The following KAZN variants were observed in gnomAD, a reference collection of about 807,000 sequenced individuals.
KAZN encodes kazrin, periplakin interacting protein.
A neutral mutation model predicts 87.4 loss-of-function variants in KAZN; 40 were observed. That is an observed-to-expected ratio of 0.46 (90% CI 0.36 to 0.60). The LOEUF is 0.60. Among genes scored for constraint, KAZN ranks in the 20% least tolerant of loss-of-function variants. KAZN has a pLI of 0.00. For missense variants in KAZN, 898 were observed against 1,073.9 expected (o/e 0.84, Z 2.29); for synonymous variants, 466 against 458.3 (o/e 1.02, Z -0.22).
chr1:14,979,605 G>A (rs1474102369), intron 2 of KAZN, among the ~76,000 whole-genome samples: 1 of 151,998 alleles, frequency 6.6e-6, no homozygotes, highest in African/African-American at 2.4e-5. Context: ...CCATCCTTGG[G>A]GGCAAAGGCT....
In KAZN at chr1:15,094,792, A is replaced by G. The variant is rs1353556766; in HGVS notation, c.1429-23A>G. The G allele has an allele frequency of 2.6e-6, 4 of 1,529,628 alleles. No individual in the cohort carries two copies. Among genetic ancestry groups the G allele is most frequent in the East Asian group, 4.9e-5 (2 of 40,608 alleles). The allele number at this position is 1,529,628 out of a possible 1,614,324, so 94.8% of individuals were successfully genotyped here. On this transcript the variant is annotated intron_variant, in intron 9 of 14. Coordinates refer to ENST00000376030, the MANE Select transcript of KAZN (RefSeq NM_201628.3). This position sits in a 1 kb window ranked among gnomAD's most constrained non-coding sequence, Gnocchi z 4.5. ...CGCCGGCAGCTGTCCCAGCCCCCAT[A>G]TGACACTCCCTCCCGGGGGCAGGTG...
At chr1:14,485,748 C>G (rs1291819158) in intron 2 of KAZN, among the ~76,000 whole-genome samples, 1 of 151,948 alleles carries the variant, frequency 6.6e-6, no homozygotes, top group Admixed American at 6.6e-5. Context: ...CAAAAATTAG[C>G]CGGGCATGCT....
At chr1:15,075,290 A>T (rs973385901) in intron 8 of KAZN, among the ~76,000 whole-genome samples, 4 of 152,178 alleles carry the variant, frequency 2.6e-5, no homozygotes, top group South Asian at 2.1e-4. Context: ...GGGGGAAAAA[A>T]ATCCCTGGGT....
intron 1 of KAZN, among the ~76,000 whole-genome samples, chr1:14,024,794 A>G (rs1298364163): frequency 1.3e-5 from 2 of 152,216 alleles, no homozygotes; most frequent in African/African-American, 2.4e-5. Context: ...TGGCTTGCAT[A>G]TTAGAATAAA....
intron 2 of KAZN, among the ~76,000 whole-genome samples, chr1:14,419,596 A>G (rs945896489): frequency 2.6e-5 from 4 of 152,082 alleles, no homozygotes; most frequent in African/African-American, 9.7e-5. Flanking sequence ...TCGCGATTTG[A>G]GTGTTACAGT....
rs144975140 is a variant in KAZN at position 14,380,332 on chromosome 1, A to G, written c.249+199740A>G. 5.6e-3 allele frequency among the ~76,000 whole-genome samples: 855 copies of G among 152,358 alleles called. 10 individuals carry two copies. The highest frequency in any genetic ancestry group is 0.02 in the African/African-American group (811 of 41,584). On this transcript the variant is annotated intron_variant, in intron 2 of 16. Coordinates refer to the KAZN transcript ENST00000636203. ...CAGACAAAAACAAACATAAGCATCC[A>G]GACCATCCAAGAAAACATGAACTCA... is the stretch of plus-strand genomic sequence containing the variant.
chr1:14,422,034 G>T (rs1288220547), intron 2 of KAZN, among the ~76,000 whole-genome samples: 2 of 152,216 alleles, frequency 1.3e-5, no homozygotes, highest in African/African-American at 4.8e-5. Context: ...CTGAGATTTG[G>T]AAAGTCTGTC....
chr1:14,107,142 G>A (rs1007450445), intron 1 of KAZN, among the ~76,000 whole-genome samples: 1 of 139,606 alleles, frequency 7.2e-6, no homozygotes, highest in Admixed American at 7.3e-5. Flanking sequence ...TTGCTGTGTT[G>A]TCTTGTCATC....
chr1:14,707,778 G>A (rs541829490), intron 1 of KAZN, among the ~76,000 whole-genome samples: 1 of 152,098 alleles, frequency 6.6e-6, no homozygotes, highest in Non-Finnish European at 1.5e-5. Flanking sequence ...AACACTTGGA[G>A]TAGTTGTTTT....
intron 2 of KAZN, among the ~76,000 whole-genome samples, chr1:14,408,316 G>T (rs1480983679): frequency 6.6e-6 from 1 of 152,158 alleles, no homozygotes; most frequent in Non-Finnish European, 1.5e-5. Context: ...TGTGGGCATA[G>T]GGGGAGTCCT....
At chr1:14,301,767 G>T (rs571944241) in intron 2 of KAZN, among the ~76,000 whole-genome samples, 3 of 152,298 alleles carry the variant, frequency 2.0e-5, no homozygotes, top group African/African-American at 7.2e-5. Context: ...TGGAGGATTT[G>T]TCAAGTGCAA....
intron 2 of KAZN, among the ~76,000 whole-genome samples, chr1:14,403,489 C>A (rs1384998789): frequency 6.6e-6 from 1 of 152,034 alleles, no homozygotes; most frequent in Non-Finnish European, 1.5e-5. Flanking sequence ...AGACAAACCA[C>A]AGACTCGAAG....
chr1:14,115,562 T>A (rs1307416345), intron 1 of KAZN, among the ~76,000 whole-genome samples: 1 of 149,808 alleles, frequency 6.7e-6, no homozygotes, highest in Non-Finnish European at 1.5e-5. Flanking sequence ...CATGTGGAAC[T>A]GTAAGTCCAT....
chr1:14,711,341 C>CAAAAA (rs544767393), intron 1 of KAZN, among the ~76,000 whole-genome samples: 21 of 114,804 alleles, frequency 1.8e-4, no homozygotes, highest in African/African-American at 5.9e-4. Context: ...ACTCTGTTTC[C>CAAAAA]AAAAAAAAAA....
chr1:14,050,153 C>CT (rs1039075459), intron 1 of KAZN, among the ~76,000 whole-genome samples: 25 of 150,618 alleles, frequency 1.7e-4, no homozygotes, highest in African/African-American at 5.9e-4. Flanking sequence ...TTTGGGTATG[C>CT]TTGTGCGCGT....
chr1:13,981,128 T>TATATG (rs375605048), intron 1 of KAZN, among the ~76,000 whole-genome samples: 1 of 134,444 alleles, frequency 7.4e-6, no homozygotes, highest in Non-Finnish European at 1.6e-5. Context: ...TAAACACAGA[T>TATATG]TATATATAGT....
At chr1:14,504,058 C>A (rs144586523) in intron 2 of KAZN, among the ~76,000 whole-genome samples, 95 of 152,258 alleles carry the variant, frequency 6.2e-4, no homozygotes, top group Admixed American at 3.7e-3. Flanking sequence ...CCTTAAATGT[C>A]GTGCCCTAGT....
At chr1:15,041,283 C>CT (rs1672878143) in intron 3 of KAZN, among the ~76,000 whole-genome samples, 1 of 151,116 alleles carries the variant, frequency 6.6e-6, no homozygotes, top group Admixed American at 6.6e-5. Context: ...CTTCATGCCC[C>CT]TGCAGCCCCT....
At chr1:14,071,627 C>T (rs1167150740) in intron 1 of KAZN, among the ~76,000 whole-genome samples, 1 of 152,228 alleles carries the variant, frequency 6.6e-6, no homozygotes, top group African/African-American at 2.4e-5. Flanking sequence ...AGCATCCTCA[C>T]TTGGACATGG....
Sources: gnomAD v4.1 joint callset for allele counts (sites outside exome capture counted in the v4.1 genomes callset) on GRCh38, gnomAD v4.1.1 for gene constraint, Gnocchi (gnomAD v3.1) non-coding constraint, MANE v1.5 for transcripts, NCBI Gene and HGNC (gene_info 2026-07-23, HGNC 2026-07-21) for gene names.